Variants in KPNA4 observed in about 807,000 individuals in gnomAD.
The protein encoded by KPNA4 is karyopherin subunit alpha 4.
A neutral mutation model predicts 71.3 loss-of-function variants in KPNA4; 13 were observed. That is an observed-to-expected ratio of 0.18 (90% confidence interval 0.12 to 0.29). The LOEUF (loss-of-function observed/expected upper bound fraction) is 0.29. Ranked by LOEUF, KPNA4 falls within the 10% of genes least tolerant of loss-of-function variation. The probability of loss-of-function intolerance (pLI) is 1.00; values close to 1 mark genes in which losing one functional copy is unlikely to be tolerated. For missense variants in KPNA4, 334 were observed against 603.2 expected (o/e 0.55, Z 4.67); for synonymous variants, 189 against 195.2 (o/e 0.97, Z 0.26).
intron 1 of KPNA4, among the ~76,000 whole-genome samples, chr3:160,538,854 T>C (rs1006760053): frequency 6.6e-6 from 1 of 152,192 alleles, no homozygotes; most frequent in African/African-American, 2.4e-5. Flanking sequence ...GACTCCAAAG[T>C]CAAACTGCCT....
At chr3:160,526,132 C>T (rs201273850) in intron 8 of KPNA4, 25 bp from the exon 9 acceptor site, 6 of 1,455,608 alleles carry the variant, frequency 4.1e-6, no homozygotes, top group Middle Eastern at 5.1e-4. Flanking sequence ...GATTAATTTA[C>T]TCAATAAAAC....
chr3:160,525,314 T>C (rs1291297923), intron 10 of KPNA4, among the ~76,000 whole-genome samples: 1 of 152,242 alleles, frequency 6.6e-6, no homozygotes, highest in Non-Finnish European at 1.5e-5. Flanking sequence ...TGGTTTGGTA[T>C]GTGTATATGA....
rs1204183968 is a variant in KPNA4 at position 160,521,783 on chromosome 3, A to G, written c.899T>C (p.Val300Ala). 1 of 1,611,124 alleles carries G rather than the reference A, an allele frequency of 6.2e-7. No homozygotes were observed. The highest frequency in any genetic ancestry group is 1.3e-5 in the African/African-American group (1 of 74,788). Residue 300 changes from valine to alanine, a missense_variant, in exon 11 of 17, where the codon GTT (valine) becomes GCT (alanine). By Grantham distance (64) the Val-to-Ala change is moderately conservative. Coordinates refer to ENST00000334256, the MANE Select transcript of KPNA4 (RefSeq NM_002268.5). ...VPLLSHQEVK[V>A]QTAALRAVGN... ...TTTAACTAAGAACAAACTTACCTGA[A>G]CTTTAACTTCCTGGTGGCTGAGCAG...
chr3:160,552,425 A>T (rs1722058570), intron 1 of KPNA4, among the ~76,000 whole-genome samples: 1 of 137,658 alleles, frequency 7.3e-6, no homozygotes, highest in Admixed American at 7.3e-5. Flanking sequence ...CTGTTTTCTT[A>T]AAAAAAAAAT....
chr3:160,537,853 A>C (rs545178638), intron 1 of KPNA4, among the ~76,000 whole-genome samples: 1 of 151,938 alleles, frequency 6.6e-6, no homozygotes, highest in East Asian at 1.9e-4. Context: ...ATCCAAACAC[A>C]TATCACTGCC....
chr3:160,549,853 G>C (rs1722002322), intron 1 of KPNA4, among the ~76,000 whole-genome samples: 1 of 152,136 alleles, frequency 6.6e-6, no homozygotes, highest in Non-Finnish European at 1.5e-5. Context: ...TGAGTATCAT[G>C]GACATTTTAA....
chr3:160,535,407 T>C (rs1721668506), intron 5 of KPNA4, 106 bp downstream of exon 5: 7 of 680,136 alleles, frequency 1.0e-5, no homozygotes, highest in Non-Finnish European at 1.5e-5. Flanking sequence ...CTATTGTTTG[T>C]CATCAAGTTA....
chr3:160,545,585 GGGGTA>G (rs1470490704), intron 1 of KPNA4, among the ~76,000 whole-genome samples: 1 of 152,218 alleles, frequency 6.6e-6, no homozygotes, highest in Non-Finnish European at 1.5e-5. Flanking sequence ...TGAACAAAGA[GGGGTA>G]GGAAATGGAG....
At chr3:160,532,097 A>G (rs1560050705) in intron 5 of KPNA4, among the ~76,000 whole-genome samples, 1 of 152,236 alleles carries the variant, frequency 6.6e-6, no homozygotes, top group Non-Finnish European at 1.5e-5. Flanking sequence ...TGGCCACTTT[A>G]CTACTTTTAA....
rs1039476655 is a variant in KPNA4, at chr3:160,552,721, C to T, written c.69+12493G>A. ...TAACCATGTAAATGAAGGAAAGAGACGGGGACTGGAGGCGCAGAGAAAGCA... is the reference window on the plus strand; with the variant it reads ...TAACCATGTAAATGAAGGAAAGAGATGGGGACTGGAGGCGCAGAGAAAGCA... On this transcript the variant is annotated intron_variant, in intron 1 of 16. Coordinates refer to ENST00000334256, the MANE Select transcript of KPNA4 (RefSeq NM_002268.5). Among the ~76,000 whole-genome samples, 8 of 152,092 alleles carry T rather than the reference C, an allele frequency of 5.3e-5. No individual in the cohort carries two copies. The East Asian group carries it at 9.6e-4, about 18-fold the overall frequency.
At chr3:160,545,917 G>A (rs1040817392) in intron 1 of KPNA4, among the ~76,000 whole-genome samples, 1 of 152,164 alleles carries the variant, frequency 6.6e-6, no homozygotes, top group African/African-American at 2.4e-5. Flanking sequence ...AACAACTGAA[G>A]GATGGAACTG....
intron 10 of KPNA4, 67 bp from the exon 11 acceptor site, chr3:160,521,977 A>C (rs1721357826): frequency 7.2e-7 from 1 of 1,389,788 alleles, no homozygotes; most frequent in Non-Finnish European, 9.9e-7. Flanking sequence ...TCTTGACCAA[A>C]CAACCATTCT....
chr3:160,528,860 T>G (rs1001766596), intron 7 of KPNA4, among the ~76,000 whole-genome samples: 1 of 152,238 alleles, frequency 6.6e-6, no homozygotes, highest in African/African-American at 2.4e-5. Flanking sequence ...CCTTCTGATA[T>G]TACTTTAAAA....
At chr3:160,510,695 G>T (rs1056009341) in intron 13 of KPNA4, among the ~76,000 whole-genome samples, 1 of 151,698 alleles carries the variant, frequency 6.6e-6, no homozygotes, top group Non-Finnish European at 1.5e-5. Flanking sequence ...TCTTATAGGG[G>T]AATTAGCCCT....
intron 1 of KPNA4, among the ~76,000 whole-genome samples, chr3:160,549,998 G>A (rs1722005627): frequency 6.6e-6 from 1 of 152,160 alleles, no homozygotes; most frequent in African/African-American, 2.4e-5. Flanking sequence ...TATTGGAAAT[G>A]AGATTTTCTT....
In KPNA4 at chr3:160,531,665, A is replaced by G. The variant is rs896019549; in HGVS notation, c.288-108T>C. 1.8e-5 allele frequency: 9 copies of G among 508,042 alleles called. No homozygotes were observed. In the Admixed American group the frequency reaches 2.8e-4, roughly 16 times the overall value. The allele number at this position is 508,042 out of a possible 1,614,324, so 31.5% of individuals were successfully genotyped here. A position where few individuals can be genotyped will look rare whatever the true frequency, so the allele number is the denominator to read the frequency against. On this transcript the variant is annotated intron_variant, in intron 5 of 16. Transcript: ENST00000334256. Reference sequence around the variant, plus strand: ...AACATAAATCTGAATATTTGGTACAAGTGCCTTCTCTGAAATTAACAATTT... The same window carrying G: ...AACATAAATCTGAATATTTGGTACAGGTGCCTTCTCTGAAATTAACAATTT...
At chr3:160,535,490 C>T (rs1721670752) in intron 5 of KPNA4, 23 bp downstream of exon 5, 3 of 1,576,270 alleles carry the variant, frequency 1.9e-6, no homozygotes, top group South Asian at 2.3e-5. Context: ...AAAATCTAAA[C>T]ATGTCTTCCA....
chr3:160,510,197 C>G (rs763793075), intron 13 of KPNA4, among the ~76,000 whole-genome samples: 1 of 152,086 alleles, frequency 6.6e-6, no homozygotes, highest in Non-Finnish European at 1.5e-5. Context: ...TACAAAGTCA[C>G]GTAAACGAAC....
At chr3:160,553,788 AAT>A (rs1722085350) in intron 1 of KPNA4, among the ~76,000 whole-genome samples, 1 of 152,216 alleles carries the variant, frequency 6.6e-6, no homozygotes. Context: ...CTTTTGCATA[AAT>A]CTCAAGGAGA....
Sources: allele counts gnomAD v4.1 joint callset (sites outside exome capture counted in the v4.1 genomes callset), GRCh38; gene constraint gnomAD v4.1.1; transcripts MANE v1.5; gene names NCBI Gene and HGNC (gene_info 2026-07-23, HGNC 2026-07-21).